SFT2D1: variants seen among roughly 807,000 people sequenced by gnomAD.
SFT2D1 encodes the protein SFT2 domain containing 1.
In SFT2D1, 24 loss-of-function variants were observed where a neutral mutation model predicts 28.1. That is an observed-to-expected ratio of 0.85 (90% CI 0.62 to 1.20). The LOEUF (loss-of-function observed/expected upper bound fraction) is 1.20. Ranked by LOEUF, SFT2D1 falls within the 50% of genes most tolerant of loss-of-function variation. The pLI is 0.00. For synonymous variants in SFT2D1, 82 were observed against 73.7 expected (o/e 1.11, Z -0.58); for missense variants, 181 against 190.9 (o/e 0.95, Z 0.31).
At chr6:166,329,728 G>T in intron 2 of SFT2D1, 139 bp from the exon 3 acceptor site, 1 of 647,908 alleles carries the variant, frequency 1.5e-6, no homozygotes, top group Non-Finnish European at 2.5e-6. Context: ...AGTCTAGTCT[G>T]ATTACACAGA....
intron 5 of SFT2D1, chr6:166,325,808 T>C (rs1778434566): frequency 5.8e-6 from 2 of 347,064 alleles, no homozygotes; most frequent in Non-Finnish European, 5.3e-6. Context: ...ACCAGCTGGG[T>C]AGGTGAGCAT....
At position 166,342,503 on chromosome 6, in the gene SFT2D1, C is replaced by A. The variant is rs1234040415; in HGVS notation, c.-22G>T. 1.9e-6 allele frequency: 3 copies of A among 1,539,688 alleles called. No homozygotes were observed. On this transcript the variant is annotated 5_prime_UTR_variant, in exon 1 of 8. Transcript: ENST00000361731. ...CCATGGCCCTGTTACAGGGCCGTAGCGGCCGCCACTCTGTTGCCTGCCCCT... is the reference window on the plus strand; with the variant it reads ...CCATGGCCCTGTTACAGGGCCGTAGAGGCCGCCACTCTGTTGCCTGCCCCT...
intron 1 of SFT2D1, among the ~76,000 whole-genome samples, chr6:166,335,909 G>T (rs1778641075): frequency 6.6e-6 from 1 of 152,184 alleles, no homozygotes; most frequent in South Asian, 2.1e-4. Context: ...ATACTCACGT[G>T]TATGAGCAAA....
chr6:166,331,698 T>C (rs1465422236), intron 1 of SFT2D1, among the ~76,000 whole-genome samples: 1 of 152,014 alleles, frequency 6.6e-6, no homozygotes, highest in Non-Finnish European at 1.5e-5. Context: ...AATGATCTGT[T>C]AAAAAAAATG....
rs1276082464 is a variant in SFT2D1, at chr6:166,325,936, C to T, written c.351+196G>A. 14 of 623,538 alleles carry T rather than the reference C, an allele frequency of 2.2e-5. No individual in the cohort carries two copies. In the East Asian group the frequency reaches 3.9e-4, roughly 17 times the overall value. The allele number at this position is 623,538 out of a possible 1,614,324, so 38.6% of individuals were successfully genotyped here. A position where few individuals can be genotyped will look rare whatever the true frequency, so the allele number is the denominator to read the frequency against. On this transcript the variant is annotated intron_variant, in intron 5 of 7. Coordinates refer to ENST00000361731, the MANE Select transcript of SFT2D1 (RefSeq NM_145169.3). ...GCACATGTGTGTTCACTGACTACCT[C>T]TATGCTGTAGACAGTAGAATCTATG...
At chr6:166,324,439 A>G in intron 6 of SFT2D1, 98 bp downstream of exon 6, 1 of 1,220,362 alleles carries the variant, frequency 8.2e-7, no homozygotes. Flanking sequence ...CTGGCTCCAA[A>G]ACACCAGACG....
At chr6:166,321,350 G>C (rs1324779255) in intron 7 of SFT2D1, among the ~76,000 whole-genome samples, 6 of 152,126 alleles carry the variant, frequency 3.9e-5, no homozygotes. Context: ...CCTGTGTCTG[G>C]AGAGGCTGGT....
chr6:166,322,740 AATC>A, intron 7 of SFT2D1, 114 bp downstream of exon 7: 2 of 771,096 alleles, frequency 2.6e-6, no homozygotes, highest in Non-Finnish European at 4.0e-6. Flanking sequence ...AGGAAATTAA[AATC>A]AACCAAAAAA....
chr6:166,333,604 C>G (rs1040074796), intron 1 of SFT2D1, among the ~76,000 whole-genome samples: 5 of 152,252 alleles, frequency 3.3e-5, no homozygotes, highest in African/African-American at 1.2e-4. Context: ...TGGTAAAATC[C>G]CACCGGAGTG....
chr6:166,340,910 A>C (rs1292074153), intron 1 of SFT2D1, among the ~76,000 whole-genome samples: 3 of 152,188 alleles, frequency 2.0e-5, no homozygotes, highest in African/African-American at 7.2e-5. Context: ...CTAATCTTTG[A>C]TTGATTACTT....
chr6:166,324,687 G>GA, intron 5 of SFT2D1, 92 bp from the exon 6 acceptor site: 1 of 1,140,760 alleles, frequency 8.8e-7, no homozygotes, highest in Non-Finnish European at 1.3e-6. Context: ...CAAAAATGTA[G>GA]ATGATGGCTT....
Position 166,320,161 on chromosome 6 carries a change from T to G in SFT2D1, c.*56A>C. On this transcript the variant is annotated 3_prime_UTR_variant, in exon 8 of 8. Coordinates refer to ENST00000361731, the MANE Select transcript of SFT2D1 (RefSeq NM_145169.3). ...GAGTGTTTTATGGGGAAAAGCAAAC[T>G]TCACCAAACATAGAGTACCAACATT... 1 of 1,568,192 alleles carries G rather than the reference T, an allele frequency of 6.4e-7. No individual in the cohort carries two copies. The highest frequency in any genetic ancestry group is 8.7e-7 in the Non-Finnish European group (1 of 1,142,878).
chr6:166,320,146 T>G lies in SFT2D1; in HGVS notation c.*71A>C. ...CGTCAGTTGTTCCTGGAGTGTTTTATGGGGAAAAGCAAACTTCACCAAACA... is the reference window on the plus strand; with the variant it reads ...CGTCAGTTGTTCCTGGAGTGTTTTAGGGGGAAAAGCAAACTTCACCAAACA... On this transcript the variant is annotated 3_prime_UTR_variant, in exon 8 of 8. Coordinates refer to ENST00000361731, the MANE Select transcript of SFT2D1 (RefSeq NM_145169.3). 1 of 1,471,278 alleles carries G rather than the reference T, an allele frequency of 6.8e-7. No individual in the cohort carries two copies. The highest frequency in any genetic ancestry group is 9.5e-7 in the Non-Finnish European group (1 of 1,056,594). The allele number at this position is 1,471,278 out of a possible 1,614,324, so 91.1% of individuals were successfully genotyped here.
At position 166,324,483 on chromosome 6, in the gene SFT2D1, GCTCGTC is replaced by G. The variant is rs1274254674; in HGVS notation, c.410+48_410+53del. ...GGGCTTCACAGGTCCCAAACAAAAT[GCTCGTC>G]ACGTCTCAGGCAATTTTAACACTTC... On this transcript the variant is annotated intron_variant, in intron 6 of 7. Transcript: ENST00000361731. 2.8e-5 allele frequency: 43 copies of G among 1,546,928 alleles called. No individual in the cohort carries two copies. The African/African-American group carries it at 5.5e-4, about 20-fold the overall frequency.
intron 1 of SFT2D1, among the ~76,000 whole-genome samples, chr6:166,339,896 A>G (rs1420788783): frequency 6.6e-6 from 1 of 152,184 alleles, no homozygotes; most frequent in Non-Finnish European, 1.5e-5. Flanking sequence ...CAAACTCTAC[A>G]GTGTTACGTC....
intron 4 of SFT2D1, among the ~76,000 whole-genome samples, 168 bp downstream of exon 4, chr6:166,328,108 A>G (rs1348594061): frequency 6.6e-6 from 1 of 152,154 alleles, no homozygotes; most frequent in African/African-American, 2.4e-5. Context: ...GGATATAATT[A>G]TTATATTCAA....
intron 1 of SFT2D1, among the ~76,000 whole-genome samples, chr6:166,341,449 A>C (rs977272543): frequency 3.3e-5 from 1 of 30,192 alleles, no homozygotes; most frequent in African/African-American, 1.4e-4. Context: ...GACTCCATCT[A>C]AAAAAAAAAA....
At chr6:166,321,472 C>T (rs1778357275) in intron 7 of SFT2D1, among the ~76,000 whole-genome samples, 1 of 152,134 alleles carries the variant, frequency 6.6e-6, no homozygotes, top group Non-Finnish European at 1.5e-5. Flanking sequence ...TCTAAAGTTC[C>T]TATGCATGGT....
chr6:166,326,498 C>A (rs2114895753), intron 4 of SFT2D1, among the ~76,000 whole-genome samples: 1 of 152,264 alleles, frequency 6.6e-6, no homozygotes, highest in South Asian at 2.1e-4. Context: ...TAAAGAGATC[C>A]CAGCTCTGAC....
Sources: gnomAD v4.1 joint callset for allele counts (sites outside exome capture counted in the v4.1 genomes callset) on GRCh38, gnomAD v4.1.1 for gene constraint, MANE v1.5 for transcripts, NCBI Gene and HGNC (gene_info 2026-07-23, HGNC 2026-07-21) for gene names.